Variants in ATP13A4 observed in about 807,000 individuals in gnomAD.
ATP13A4 encodes probable cation-transporting ATPase 13A4.
In ATP13A4, 114 loss-of-function variants were observed where a neutral mutation model predicts 142.5. The observed-to-expected ratio is 0.80, with a 90% CI of 0.69 to 0.93. The LOEUF is 0.93. ATP13A4 is among the 40% of genes least tolerant of loss of function. The pLI is 0.00. For missense variants in ATP13A4, 1,392 were observed against 1,454.0 expected (o/e 0.96, Z 0.69); for synonymous variants, 488 against 514.8 (o/e 0.95, Z 0.70).
chr3:193,418,367 G>T (rs1166748363), intron 25 of ATP13A4, among the ~76,000 whole-genome samples: 1 of 147,656 alleles, frequency 6.8e-6, no homozygotes, highest in African/African-American at 2.5e-5. Flanking sequence ...AAGATGGCCA[G>T]CTAAAAGCCC....
At chr3:193,569,292 T>C (rs1025178350) in intron 2 of ATP13A4, among the ~76,000 whole-genome samples, 1 of 152,208 alleles carries the variant, frequency 6.6e-6, no homozygotes, top group Non-Finnish European at 1.5e-5. Flanking sequence ...AAAATACCAG[T>C]CTAGTAGTCC....
rs1307586003 is a variant in ATP13A4 at position 193,514,678 on chromosome 3, A to G, written c.234+20T>C. ...GAAACAAAAGGGGGGCACCAGCGAC[A>G]TAACCAGGTACACACTTACCGTTGT... is the stretch of plus-strand genomic sequence containing the variant. On this transcript the variant is annotated intron_variant, in intron 2 of 29. Coordinates refer to ENST00000342695, the MANE Select transcript of ATP13A4 (RefSeq NM_032279.4). The G allele has an allele frequency of 6.2e-7, 1 of 1,614,090 alleles. No individual in the cohort carries two copies. The highest frequency in any genetic ancestry group is 1.1e-5 in the South Asian group (1 of 91,072).
chr3:193,442,125 T>C (rs912960147), intron 19 of ATP13A4, among the ~76,000 whole-genome samples: 6 of 152,094 alleles, frequency 3.9e-5, no homozygotes, highest in Admixed American at 6.6e-5. Context: ...AGGGAGAAAA[T>C]AGATTCAACT....
chr3:193,500,659 G>C (rs974824639), intron 3 of ATP13A4, among the ~76,000 whole-genome samples: 2 of 152,204 alleles, frequency 1.3e-5, no homozygotes, highest in African/African-American at 4.8e-5. Flanking sequence ...GGTAATGCTC[G>C]CCGGCTTGCC....
At chr3:193,541,570 A>G (rs899767603) in intron 1 of ATP13A4, among the ~76,000 whole-genome samples, 2 of 151,894 alleles carry the variant, frequency 1.3e-5, no homozygotes, top group African/African-American at 4.8e-5. Context: ...TGACCATCAG[A>G]TTGGAAATTC....
chr3:193,531,529 TTC>T (rs1307453195), intron 1 of ATP13A4, among the ~76,000 whole-genome samples: 1 of 152,220 alleles, frequency 6.6e-6, no homozygotes, highest in African/African-American at 2.4e-5. Flanking sequence ...AAATATACGC[TTC>T]TCTCACTAGA....
intron 1 of ATP13A4, among the ~76,000 whole-genome samples, chr3:193,538,960 G>A (rs1260890415): frequency 7.3e-6 from 1 of 136,816 alleles, no homozygotes; most frequent in Admixed American, 8.3e-5. Flanking sequence ...GGCCTCCTCC[G>A]CCTCCCAGGT....
At chr3:193,511,641 C>A (rs1721145471) in intron 2 of ATP13A4, among the ~76,000 whole-genome samples, 1 of 152,182 alleles carries the variant, frequency 6.6e-6, no homozygotes, top group Admixed American at 6.5e-5. Flanking sequence ...TTTGCAAATG[C>A]CTTTTACATA....
intron 8 of ATP13A4, among the ~76,000 whole-genome samples, chr3:193,479,351 T>C (rs1035253839): frequency 4.6e-5 from 7 of 152,076 alleles, no homozygotes; most frequent in Non-Finnish European, 8.8e-5. Context: ...GATGATATGA[T>C]AGTATACCAA....
chr3:193,530,409 C>T (rs1722252182), intron 1 of ATP13A4, among the ~76,000 whole-genome samples: 1 of 152,120 alleles, frequency 6.6e-6, no homozygotes, highest in Non-Finnish European at 1.5e-5. Context: ...TCTGAATCAC[C>T]ATCATCACCA....
Position 193,554,316 on chromosome 3 carries a change from C to T in ATP13A4, c.60+424G>A, listed in dbSNP as rs1723767618. 5 of 252,928 alleles carry T rather than the reference C, an allele frequency of 2.0e-5. No individual in the cohort carries two copies. In the South Asian group the frequency reaches 2.5e-4, roughly 13 times the overall value. 15.7% of individuals were successfully genotyped at this position (252,928 alleles called of 1,614,324 possible). Reference sequence around the variant, plus strand: ...TGAGAAGAGAAGGTCAAAGACCCAGCTGCACTTCTGCTTCACTGCTGAACT... The same window carrying T: ...TGAGAAGAGAAGGTCAAAGACCCAGTTGCACTTCTGCTTCACTGCTGAACT... On this transcript the variant is annotated intron_variant, in intron 1 of 29. Coordinates refer to ENST00000342695, the MANE Select transcript of ATP13A4 (RefSeq NM_032279.4).
rs753399397 is a variant in ATP13A4, at chr3:193,502,677, A to G, written c.235-38T>C. On this transcript the variant is annotated intron_variant, in intron 2 of 29. Transcript: ENST00000342695. Reference sequence around the variant, plus strand: ...ACATCAAAACCCCCAAGAAGTTAAGAGAGGTCAGCAGGCTACAATTCAACC... The same window carrying G: ...ACATCAAAACCCCCAAGAAGTTAAGGGAGGTCAGCAGGCTACAATTCAACC... 16 of 1,586,194 alleles carry G rather than the reference A, an allele frequency of 1.0e-5. No individual in the cohort carries two copies. The South Asian group carries it at 1.8e-4, about 18-fold the overall frequency.
chr3:193,414,196 T>C (rs1246735004), intron 26 of ATP13A4, among the ~76,000 whole-genome samples: 1 of 152,204 alleles, frequency 6.6e-6, no homozygotes, highest in African/African-American at 2.4e-5. Context: ...GTTGAATATA[T>C]AACTTAACTA....
chr3:193,544,668 A>T (rs370246692), intron 1 of ATP13A4, among the ~76,000 whole-genome samples: 1 of 152,226 alleles, frequency 6.6e-6, no homozygotes, highest in African/African-American at 2.4e-5. Flanking sequence ...TAAGCCCAAA[A>T]GATCAGAGAT....
chr3:193,419,924 G>T (rs1715323139), intron 25 of ATP13A4, among the ~76,000 whole-genome samples: 1 of 150,082 alleles, frequency 6.7e-6, no homozygotes, highest in Non-Finnish European at 1.5e-5. Context: ...GCTTCACAGA[G>T]TATGGAATAC....
chr3:193,475,587 A>C (rs1718918370), intron 8 of ATP13A4, among the ~76,000 whole-genome samples: 1 of 152,004 alleles, frequency 6.6e-6, no homozygotes, highest in South Asian at 2.1e-4. Context: ...AAAGGAGAGG[A>C]ATAGGAACCA....
At chr3:193,583,254 G>A (rs929437696) in intron 1 of ATP13A4, among the ~76,000 whole-genome samples, 3 of 151,526 alleles carry the variant, frequency 2.0e-5, no homozygotes, top group Admixed American at 6.6e-5. Flanking sequence ...CCAACGTGGC[G>A]AAACCCCGTC....
At chr3:193,415,555 T>C (rs1007171789) in intron 25 of ATP13A4, among the ~76,000 whole-genome samples, 1 of 152,176 alleles carries the variant, frequency 6.6e-6, no homozygotes, top group East Asian at 1.9e-4. Context: ...GAGACCCTGG[T>C]CCCTGGTTAC....
At chr3:193,484,633 A>G (rs1719498986) in intron 7 of ATP13A4, among the ~76,000 whole-genome samples, 1 of 152,180 alleles carries the variant, frequency 6.6e-6, no homozygotes, top group South Asian at 2.1e-4. Flanking sequence ...TCTGATAAAT[A>G]TGTTCTAAAA....
Sources: allele counts gnomAD v4.1 joint callset (sites outside exome capture counted in the v4.1 genomes callset), GRCh38; gene constraint gnomAD v4.1.1; transcripts MANE v1.5; gene names NCBI Gene and HGNC (gene_info 2026-07-23, HGNC 2026-07-21).